OLFML2B: variants seen among roughly 807,000 people sequenced by gnomAD.
The protein encoded by OLFML2B is olfactomedin-like protein 2B.
A neutral mutation model predicts 74.9 loss-of-function variants in OLFML2B; 57 were observed. The ratio of observed to expected loss-of-function variants is 0.76; its 90% CI spans 0.61 to 0.95. The LOEUF is 0.95. Ranked by LOEUF, OLFML2B falls within the 40% of genes least tolerant of loss-of-function variation. The pLI, the probability that OLFML2B is intolerant of heterozygous loss-of-function variation, is 0.00. For missense variants in OLFML2B, 986 were observed against 970.6 expected (o/e 1.02, Z -0.21); for synonymous variants, 388 against 405.8 (o/e 0.96, Z 0.53).
chr1:161,993,794 C>T (rs1295392241), intron 6 of OLFML2B, among the ~76,000 whole-genome samples: 1 of 152,150 alleles, frequency 6.6e-6, no homozygotes, highest in Non-Finnish European at 1.5e-5. Context: ...CAGAGAGGAG[C>T]CCCATGGCAG....
chr1:162,022,217 C>T (rs539448184), intron 1 of OLFML2B, among the ~76,000 whole-genome samples: 80 of 149,582 alleles, frequency 5.3e-4, no homozygotes, highest in Non-Finnish European at 1.0e-3. Context: ...GACTGTCAGA[C>T]GCCCTGGCTC....
At chr1:162,020,541 T>G (rs1026211789) in intron 1 of OLFML2B, among the ~76,000 whole-genome samples, 5 of 152,010 alleles carry the variant, frequency 3.3e-5, no homozygotes, top group African/African-American at 1.2e-4. Flanking sequence ...TCTTTTTTTT[T>G]TTTGAGACAG....
intron 5 of OLFML2B, among the ~76,000 whole-genome samples, chr1:161,999,199 A>G (rs780069862): frequency 6.6e-6 from 1 of 152,242 alleles, no homozygotes; most frequent in Non-Finnish European, 1.5e-5. Flanking sequence ...AGAGGACACA[A>G]AGAGCTCTAA....
chr1:161,997,497 C>T (rs6691548), intron 6 of OLFML2B, among the ~76,000 whole-genome samples: 84,968 of 152,026 alleles, frequency 0.56, 24,921 homozygotes, highest in Middle Eastern at 0.67. Context: ...ATTTATTCAT[C>T]ACTGGATACC....
chr1:161,989,774 T>C (rs1389499884), intron 6 of OLFML2B, among the ~76,000 whole-genome samples: 1 of 152,240 alleles, frequency 6.6e-6, no homozygotes, highest in Non-Finnish European at 1.5e-5. Flanking sequence ...CCCACTTGCA[T>C]ATAGGGTTTG....
At chr1:161,993,554 T>C (rs766886085) in intron 6 of OLFML2B, among the ~76,000 whole-genome samples, 2 of 152,230 alleles carry the variant, frequency 1.3e-5, no homozygotes, top group East Asian at 1.9e-4. Flanking sequence ...ATTGTTTCCA[T>C]GCTTAGAGCC....
rs1246823730 is a variant in OLFML2B at position 162,023,767 on chromosome 1, C to G, written c.-337G>C. The G allele has an allele frequency of 1.7e-5, 3 of 177,434 alleles. No homozygotes were observed. The highest frequency in any genetic ancestry group is 7.1e-5 in the African/African-American group (3 of 42,462). The allele number at this position is 177,434 out of a possible 1,614,324, so 11.0% of individuals were successfully genotyped here. On this transcript the variant is annotated 5_prime_UTR_variant, in exon 1 of 8. Coordinates refer to ENST00000294794, the MANE Select transcript of OLFML2B (RefSeq NM_015441.3). ...GGCTGGAAGGCGTTCGGACAGACGC[C>G]CGCGGTGCGCGCCGGGACGGGCGGC...
At position 162,020,018 on chromosome 1, in the gene OLFML2B, C is replaced by G; in HGVS notation, c.339G>C (p.Ser113=). The change falls in exon 2 of 8, where the codon TCG becomes TCC. Residue 113 remains serine (S), a synonymous_variant. Coordinates refer to ENST00000294794, the MANE Select transcript of OLFML2B (RefSeq NM_015441.3). Reference sequence around the variant, plus strand: ...GGGGTGCTACACAGGCACACTTGCACGACGAGCCTGAGGTGATGGTTTCCA... The same window carrying G: ...GGGGTGCTACACAGGCACACTTGCAGGACGAGCCTGAGGTGATGGTTTCCA... The part of the protein sequence containing the change: ...YTVETITSGS[S]CKCACVAPPS... 6.2e-7 allele frequency: 1 copy of G among 1,614,212 alleles called. No homozygotes were observed. Among genetic ancestry groups the G allele is most frequent in the Middle Eastern group, 1.6e-4 (1 of 6,062 alleles).
At chr1:161,985,395 G>T (rs1689564217) in intron 6 of OLFML2B, among the ~76,000 whole-genome samples, 1 of 152,146 alleles carries the variant, frequency 6.6e-6, no homozygotes, top group African/African-American at 2.4e-5. Context: ...CAATGTTTGT[G>T]CTTCTCTCTC....
chr1:161,993,392 C>T (rs575374492), intron 6 of OLFML2B, among the ~76,000 whole-genome samples: 5 of 152,262 alleles, frequency 3.3e-5, no homozygotes, highest in South Asian at 2.1e-4. Context: ...CACCACCCTG[C>T]GTTGAAGTCA....
At chr1:162,015,910 C>G (rs1211725884) in intron 3 of OLFML2B, among the ~76,000 whole-genome samples, 3 of 152,160 alleles carry the variant, frequency 2.0e-5, no homozygotes, top group African/African-American at 7.2e-5. Flanking sequence ...GATCCAAAAC[C>G]CTGACCCCTC....
At chr1:161,986,735 CCTT>C (rs1260118359) in intron 6 of OLFML2B, among the ~76,000 whole-genome samples, 1 of 152,224 alleles carries the variant, frequency 6.6e-6, no homozygotes, top group Non-Finnish European at 1.5e-5. Context: ...ACGCCACGCT[CCTT>C]CTGCACTGAG....
chr1:162,015,740 T>C (rs1265043255), intron 3 of OLFML2B, among the ~76,000 whole-genome samples: 2 of 152,266 alleles, frequency 1.3e-5, no homozygotes, highest in Non-Finnish European at 2.9e-5. Flanking sequence ...GTGCTGACCA[T>C]CCACAATGTC....
In OLFML2B at chr1:161,998,238, T is replaced by A. The variant is rs1336220884; in HGVS notation, c.1061A>T (p.Gln354Leu). ...GCTTGTCACAGCAGTGCTGTGTCCC[T>A]GACGGGTGGCTGCAGGCCTCCGGGT... ...SVTRRPAATR[Q>L]GHSTAVTSDL... Residue 354 changes from glutamine to leucine, a missense_variant, in exon 6 of 8, where the codon CAG (glutamine) becomes CTG (leucine). Physicochemically the swap from Gln to Leu is moderately radical, Grantham distance 113 (BLOSUM62 -2). Transcript: ENST00000294794. 1 of 1,612,420 alleles carries A rather than the reference T, an allele frequency of 6.2e-7. No homozygotes were observed. Among genetic ancestry groups the A allele is most frequent in the South Asian group, 1.1e-5 (1 of 91,038 alleles).
In OLFML2B at chr1:162,023,558, G is replaced by T; in HGVS notation, c.-128C>A. 2.2e-6 allele frequency: 2 copies of T among 904,306 alleles called. No individual in the cohort carries two copies. The highest frequency in any genetic ancestry group is 3.1e-6 in the Non-Finnish European group (2 of 648,232). 56.0% of individuals were successfully genotyped at this position (904,306 alleles called of 1,614,324 possible). On this transcript the variant is annotated 5_prime_UTR_variant, in exon 1 of 8. Coordinates refer to ENST00000294794, the MANE Select transcript of OLFML2B (RefSeq NM_015441.3). Reference sequence around the variant, plus strand: ...GTGGCTGCTGAGAGCACCTTCTAAAGCTGGGTGCGGCTGAGCGGGACGGGA... The same window carrying T: ...GTGGCTGCTGAGAGCACCTTCTAAATCTGGGTGCGGCTGAGCGGGACGGGA...
chr1:162,002,511 C>T (rs898510625), intron 4 of OLFML2B, among the ~76,000 whole-genome samples: 7 of 152,256 alleles, frequency 4.6e-5, no homozygotes, highest in Admixed American at 1.3e-4. Flanking sequence ...GTGCTCCTTT[C>T]GCACAGGAAG....
At chr1:162,015,848 G>A (rs189338960) in intron 3 of OLFML2B, among the ~76,000 whole-genome samples, 1 of 152,270 alleles carries the variant, frequency 6.6e-6, no homozygotes, top group African/African-American at 2.4e-5. Context: ...AGACAGCGAG[G>A]AGGAGGCTGA....
intron 1 of OLFML2B, among the ~76,000 whole-genome samples, chr1:162,021,110 G>A (rs576295086): frequency 1.3e-5 from 2 of 152,326 alleles, no homozygotes; most frequent in Non-Finnish European, 2.9e-5. Context: ...GCTCCAACTG[G>A]AAGCCAGGGA....
At position 161,988,395 on chromosome 1, in the gene OLFML2B, G is replaced by A. The variant is rs951505448; in HGVS notation, c.1475-3415C>T. On this transcript the variant is annotated intron_variant, in intron 6 of 7. Coordinates refer to ENST00000294794, the MANE Select transcript of OLFML2B (RefSeq NM_015441.3). ...GGTGCTTACTTGGCAAGCTTCCCCA[G>A]TAGGGTCCTTGGGCGTCTGCTCCCC... is the stretch of plus-strand genomic sequence containing the variant. Among the ~76,000 whole-genome samples, 8 of 152,126 alleles carry A rather than the reference G, an allele frequency of 5.3e-5. 1 individual carries two copies. In the South Asian group the frequency reaches 1.7e-3, roughly 32 times the overall value.
Sources: gnomAD v4.1 joint callset for allele counts (sites outside exome capture counted in the v4.1 genomes callset) on GRCh38, gnomAD v4.1.1 for gene constraint, MANE v1.5 for transcripts, NCBI Gene and HGNC (gene_info 2026-07-23, HGNC 2026-07-21) for gene names.